The following FRMD4A variants were observed in gnomAD, a reference collection of about 807,000 sequenced individuals.
FRMD4A encodes FERM domain-containing protein 4A.
In FRMD4A, 29 loss-of-function variants were observed where a neutral mutation model predicts 129.1. The ratio of observed to expected loss-of-function variants is 0.22; its 90% confidence interval spans 0.17 to 0.31. The LOEUF is 0.31. FRMD4A is among the 10% of genes least tolerant of loss of function. The probability of loss-of-function intolerance (pLI) is 1.00; values close to 1 mark genes in which losing one functional copy is unlikely to be tolerated. For synonymous variants in FRMD4A, 634 were observed against 571.6 expected, an observed-to-expected ratio of 1.11 and a Z score of -1.56; for missense variants, 1,272 against 1,375.8, an observed-to-expected ratio of 0.92 and a Z score of 1.19.
intron 2 of FRMD4A, among the ~76,000 whole-genome samples, chr10:13,875,447 C>G (rs1033543731): frequency 2.0e-5 from 3 of 152,156 alleles, no homozygotes; most frequent in African/African-American, 4.8e-5. Context: ...GCATGCATAT[C>G]AGATTTACAG....
rs116780567 is a variant in FRMD4A, at chr10:13,987,247, G to C, written c.46-128335C>G. On this transcript the variant is annotated intron_variant, in intron 2 of 24. Transcript: ENST00000357447. ...CTATCGTGGGATAGAAACCCCAGCA[G>C]AGCAACTGGCCCATGGAAGGAGTTA... Among the ~76,000 whole-genome samples the C allele has an allele frequency of 9.4e-3, 1,429 of 152,184 alleles. 22 individuals are homozygous for C. Among genetic ancestry groups the C allele is most frequent in the African/African-American group, 0.032 (1,345 of 41,514 alleles).
intron 2 of FRMD4A, among the ~76,000 whole-genome samples, chr10:14,169,959 T>C (rs1841389446): frequency 1.3e-5 from 2 of 152,122 alleles, no homozygotes; most frequent in South Asian, 4.1e-4. Flanking sequence ...CATGAGAAAT[T>C]CCAGTGCTTG....
At chr10:13,785,766 C>CG (rs2092840106) in intron 5 of FRMD4A, among the ~76,000 whole-genome samples, 1 of 151,238 alleles carries the variant, frequency 6.6e-6, no homozygotes, top group East Asian at 2.0e-4. Context: ...TGCTATCCCT[C>CG]CCCCTACCCC....
At chr10:14,206,973 A>C (rs1272725662) in intron 2 of FRMD4A, among the ~76,000 whole-genome samples, 1 of 152,046 alleles carries the variant, frequency 6.6e-6, no homozygotes, top group African/African-American at 2.4e-5. Context: ...AATAATTTGT[A>C]ATCTTGGACC....
At chr10:14,298,739 G>A (rs1846089867) in intron 2 of FRMD4A, among the ~76,000 whole-genome samples, 1 of 152,184 alleles carries the variant, frequency 6.6e-6, no homozygotes, top group Admixed American at 6.5e-5. Context: ...CCCTTCAGAA[G>A]ACAGGGAAGA....
intron 2 of FRMD4A, among the ~76,000 whole-genome samples, chr10:14,301,900 G>T (rs571976743): frequency 6.6e-6 from 1 of 152,124 alleles, no homozygotes; most frequent in Non-Finnish European, 1.5e-5. Context: ...TTGGGTGCAG[G>T]TTGGAGGAAT....
intron 2 of FRMD4A, among the ~76,000 whole-genome samples, chr10:13,924,410 CT>C (rs71505010): frequency 1.4e-4 from 20 of 147,356 alleles, no homozygotes; most frequent in Admixed American, 1.4e-4. Flanking sequence ...CTTCTCGTTC[CT>C]TTTTTTTTTT....
intron 3 of FRMD4A, among the ~76,000 whole-genome samples, chr10:13,839,416 C>T (rs1348345009): frequency 2.0e-5 from 3 of 152,160 alleles, no homozygotes; most frequent in African/African-American, 7.2e-5. Flanking sequence ...TCTGAGTGAT[C>T]CTCCTCTGTG....
At chr10:13,741,748 G>T (rs1322579393) in intron 9 of FRMD4A, among the ~76,000 whole-genome samples, 1 of 152,206 alleles carries the variant, frequency 6.6e-6, no homozygotes, top group Non-Finnish European at 1.5e-5. Flanking sequence ...TTTGGGCTTG[G>T]TTAATATGAA....
chr10:13,940,474 T>A (rs1047344200), intron 2 of FRMD4A, among the ~76,000 whole-genome samples: 4 of 152,214 alleles, frequency 2.6e-5, no homozygotes, highest in African/African-American at 7.2e-5. Context: ...TTTAATTGGA[T>A]GCCATACATG....
intron 3 of FRMD4A, among the ~76,000 whole-genome samples, chr10:13,839,254 C>G (rs1423272433): frequency 6.6e-6 from 1 of 152,162 alleles, no homozygotes; most frequent in East Asian, 1.9e-4. Context: ...AATCCTCCCA[C>G]CTTGGCCTCT....
intron 2 of FRMD4A, among the ~76,000 whole-genome samples, chr10:14,322,349 G>A (rs1216910683): frequency 6.6e-6 from 1 of 152,116 alleles, no homozygotes; most frequent in African/African-American, 2.4e-5. Context: ...AACTAAGGTT[G>A]GGGAGAAGAC....
intron 2 of FRMD4A, among the ~76,000 whole-genome samples, chr10:13,910,890 A>G (rs1486070576): frequency 0.047 from 92 of 1,948 alleles, no homozygotes; most frequent in African/African-American, 0.07. Flanking sequence ...AGTTTCATGA[A>G]AAAAAAAAAA....
chr10:13,843,464 A>T (rs1020102966), intron 3 of FRMD4A, among the ~76,000 whole-genome samples: 1 of 152,132 alleles, frequency 6.6e-6, no homozygotes, highest in East Asian at 1.9e-4. Flanking sequence ...AATTTCCTCT[A>T]TGATAAAAAG....
intron 2 of FRMD4A, among the ~76,000 whole-genome samples, chr10:14,237,780 T>C (rs1168855145): frequency 6.6e-6 from 1 of 152,170 alleles, no homozygotes; most frequent in Non-Finnish European, 1.5e-5. Context: ...TGTTGACCAC[T>C]TAAGGTCCCT....
chr10:14,247,331 AGAT>A (rs1844278271), intron 2 of FRMD4A, among the ~76,000 whole-genome samples: 1 of 152,236 alleles, frequency 6.6e-6, no homozygotes, highest in African/African-American at 2.4e-5. Flanking sequence ...CTGAGGAACT[AGAT>A]TCAAACCTCT....
chr10:13,885,756 G>T (rs1365927241), intron 2 of FRMD4A, among the ~76,000 whole-genome samples: 1 of 152,152 alleles, frequency 6.6e-6, no homozygotes, highest in African/African-American at 2.4e-5. Flanking sequence ...GCCAAGACCT[G>T]CAGGCTACAT....
rs185170152 is a variant in FRMD4A, at chr10:13,657,304, G to A, written c.2285C>T (p.Ala762Val). The A allele has an allele frequency of 8.7e-6, 14 of 1,610,574 alleles. No homozygotes were observed. Among genetic ancestry groups the A allele is most frequent in the Middle Eastern group, 1.7e-4 (1 of 6,056 alleles). ...CGTGGAGTAGTTGGCGTTCATCTGCGCCGGGTAGTAGTGCTCCGAGCTCGA... is the reference window on the plus strand; with the variant it reads ...CGTGGAGTAGTTGGCGTTCATCTGCACCGGGTAGTAGTGCTCCGAGCTCGA... Reference protein sequence around the residue: ...SHSSSEHYYPAQMNANYSTLA... With the variant: ...SHSSSEHYYPVQMNANYSTLA... Residue 762 changes from alanine to valine, a missense_variant, in exon 22 of 25, where the codon GCG (alanine) becomes GTG (valine). Ala to Val is a moderately conservative substitution (Grantham distance 64, BLOSUM62 0). Coordinates refer to ENST00000357447, the MANE Select transcript of FRMD4A (RefSeq NM_018027.5).
At chr10:13,686,082 A>G (rs1321817666) in intron 15 of FRMD4A, among the ~76,000 whole-genome samples, 1 of 152,084 alleles carries the variant, frequency 6.6e-6, no homozygotes, top group East Asian at 2.0e-4. Context: ...CACACGGTCC[A>G]GCATAAACAA....
Sources: gnomAD v4.1 joint callset for allele counts (sites outside exome capture counted in the v4.1 genomes callset) on GRCh38, gnomAD v4.1.1 for gene constraint, MANE v1.5 for transcripts, NCBI Gene and HGNC (gene_info 2026-07-23, HGNC 2026-07-21) for gene names.